TPRG1: variants seen among roughly 807,000 people sequenced by gnomAD.
TPRG1 encodes tumor protein p63 regulated 1.
A neutral mutation model predicts 29.3 loss-of-function variants in TPRG1; 29 were observed. The observed-to-expected ratio is 0.99, with a 90% CI of 0.74 to 1.35. TPRG1 has a LOEUF of 1.35. Among genes scored for constraint, TPRG1 ranks in the 40% most tolerant of loss-of-function variants. TPRG1 has a pLI of 0.00. For synonymous variants in TPRG1, 130 were observed against 116.8 expected, an observed-to-expected ratio of 1.11 and a Z score of -0.73; for missense variants, 327 against 335.0, an observed-to-expected ratio of 0.98 and a Z score of 0.19.
At position 189,083,513 on chromosome 3, in the gene TPRG1, C is replaced by T. The variant is rs145427219; in HGVS notation, c.-462-43544C>T. Among the ~76,000 whole-genome samples the T allele has an allele frequency of 1.2e-4, 18 of 152,264 alleles. No individual in the cohort carries two copies. The East Asian group carries it at 3.5e-3, about 29-fold the overall frequency. On this transcript the variant is annotated intron_variant, in intron 4 of 10. Coordinates refer to the TPRG1 transcript ENST00000433971. ...GGTTAGGTGACTTTAATTTTAATAC[C>T]AGCTTTGTCATGAACTTACTTTGTT...
chr3:189,120,941 A>G (rs565470441), intron 1 of TPRG1, among the ~76,000 whole-genome samples: 29 of 152,366 alleles, frequency 1.9e-4, no homozygotes, highest in African/African-American at 6.7e-4. Flanking sequence ...TAGATAAATA[A>G]TAAAGCATTT....
intron 4 of TPRG1, among the ~76,000 whole-genome samples, chr3:189,045,952 T>A (rs1005366931): frequency 5.3e-5 from 8 of 152,056 alleles, no homozygotes; most frequent in African/African-American, 1.7e-4. Context: ...AGTAAGAGGG[T>A]GCAAAAGAAT....
intron 1 of TPRG1, among the ~76,000 whole-genome samples, chr3:189,122,767 A>G (rs1160638349): frequency 1.3e-5 from 2 of 152,242 alleles, no homozygotes; most frequent in African/African-American, 4.8e-5. Context: ...TCACAAAGCC[A>G]TCATTTATCT....
At chr3:189,207,012 A>G (rs868628100) in intron 1 of TPRG1, among the ~76,000 whole-genome samples, 8 of 152,204 alleles carry the variant, frequency 5.3e-5, no homozygotes, top group Non-Finnish European at 8.8e-5. Context: ...TAACTCTTAA[A>G]TAAGCTTGCA....
chr3:189,181,776 C>A (rs1483982680), intron 1 of TPRG1, among the ~76,000 whole-genome samples: 4 of 152,166 alleles, frequency 2.6e-5, no homozygotes, highest in Non-Finnish European at 5.9e-5. Context: ...TTTTGGGTAT[C>A]TTTTCAGCAG....
chr3:189,312,206 TTTCTTTCTTTC>T, intron 5 of TPRG1, among the ~76,000 whole-genome samples: 1 of 93,528 alleles, frequency 1.1e-5, no homozygotes. Context: ...TCTTTCTTTC[TTTCTTTCTTTC>T]TTAAGACGGA....
chr3:189,150,670 A>G (rs140579987), exon 5 of TPRG1: 5 of 152,326 alleles, frequency 3.3e-5, no homozygotes, highest in African/African-American at 1.2e-4. Flanking sequence ...ATAAGGATTC[A>G]TCTGGGCACT....
At chr3:189,149,234 A>G (rs139599882) in intron 4 of TPRG1, among the ~76,000 whole-genome samples, 5 of 152,186 alleles carry the variant, frequency 3.3e-5, no homozygotes, top group African/African-American at 1.2e-4. Flanking sequence ...GAAAGCAGCC[A>G]TCTCTGCAGT....
chr3:189,175,013 C>A (rs1009193835), intron 1 of TPRG1, among the ~76,000 whole-genome samples: 1 of 152,044 alleles, frequency 6.6e-6, no homozygotes, highest in Non-Finnish European at 1.5e-5. Context: ...TAATAATCAC[C>A]TTTTGATCAC....
In TPRG1 at chr3:189,189,255, C is replaced by T. The variant is rs114448921; in HGVS notation, c.-10+17124C>T. On this transcript the variant is annotated intron_variant, in intron 1 of 5. Transcript: ENST00000345063. ...CTATATTTTATTTTTGTAAAAACTA[C>T]GATCATGCTATGTCCTTTTTATAGC... 5.7e-3 allele frequency among the ~76,000 whole-genome samples: 868 copies of T among 151,934 alleles called. 10 individuals carry two copies. The highest frequency in any genetic ancestry group is 0.018 in the African/African-American group (759 of 41,450).
intron 1 of TPRG1, among the ~76,000 whole-genome samples, chr3:189,105,780 A>G (rs2152199178): frequency 6.6e-6 from 1 of 152,310 alleles, no homozygotes; most frequent in South Asian, 2.1e-4. Context: ...CATAATAATT[A>G]CTAAGTATAT....
intron 4 of TPRG1, among the ~76,000 whole-genome samples, chr3:189,270,869 T>G (rs1715007006): frequency 1.3e-5 from 2 of 152,138 alleles, no homozygotes. Flanking sequence ...ACATGTTTTT[T>G]CCTACCATGA....
chr3:189,088,486 C>T (rs922731605), intron 4 of TPRG1, among the ~76,000 whole-genome samples: 1 of 152,110 alleles, frequency 6.6e-6, no homozygotes, highest in Non-Finnish European at 1.5e-5. Context: ...AATTGAATAC[C>T]CTTTATTTCT....
chr3:189,204,947 T>TCACACACACACACACACACACA (rs35018569), intron 1 of TPRG1, among the ~76,000 whole-genome samples: 10 of 147,178 alleles, frequency 6.8e-5, no homozygotes, highest in African/African-American at 2.3e-4. Context: ...TCTCTCTCTC[T>TCACACACACACACACACACACA]CACACACACA....
intron 2 of TPRG1, among the ~76,000 whole-genome samples, chr3:189,209,045 C>T (rs930684211): frequency 6.6e-6 from 1 of 152,140 alleles, no homozygotes; most frequent in African/African-American, 2.4e-5. Flanking sequence ...CAATGTTTAA[C>T]TTATGAGGAA....
intron 4 of TPRG1, among the ~76,000 whole-genome samples, chr3:189,258,110 G>A (rs776599859): frequency 6.6e-5 from 10 of 152,058 alleles, no homozygotes; most frequent in Non-Finnish European, 1.2e-4. Flanking sequence ...CAGCCTTTTT[G>A]TGCTGGTTTT....
At chr3:189,260,780 T>A (rs1430919406) in intron 4 of TPRG1, among the ~76,000 whole-genome samples, 2 of 152,202 alleles carry the variant, frequency 1.3e-5, no homozygotes, top group Non-Finnish European at 2.9e-5. Context: ...AAGCAGCAAC[T>A]ACCATCTGCC....
At chr3:189,078,091 CTCTTTCTTTCTTTCTTTCTT>C (rs67070787) in intron 4 of TPRG1, among the ~76,000 whole-genome samples, 19 of 85,154 alleles carry the variant, frequency 2.2e-4, no homozygotes, top group East Asian at 3.6e-4. Context: ...CTCTCTTTCT[CTCTTTCTTTCTTTCTTTCTT>C]TCTTTCTTTC....
chr3:189,017,692 G>A (rs963743171), intron 3 of TPRG1, among the ~76,000 whole-genome samples: 22 of 152,264 alleles, frequency 1.4e-4, no homozygotes, highest in Admixed American at 3.3e-4. Context: ...ATAAACATAC[G>A]TGTGCATGTC....
Sources: allele counts gnomAD v4.1 joint callset (sites outside exome capture counted in the v4.1 genomes callset), GRCh38; gene constraint gnomAD v4.1.1; transcripts MANE v1.5; gene names NCBI Gene and HGNC (gene_info 2026-07-23, HGNC 2026-07-21).